The following MAP4K4 variants were observed in gnomAD, a reference collection of about 807,000 sequenced individuals.
MAP4K4 encodes HPK/GCK-like kinase HGK.
A neutral mutation model predicts 189.6 loss-of-function variants in MAP4K4; 38 were observed. The ratio of observed to expected loss-of-function variants is 0.20; its 90% confidence interval spans 0.15 to 0.26. The LOEUF is 0.26. MAP4K4 is among the 10% of genes least tolerant of loss of function. The probability of loss-of-function intolerance (pLI) is 1.00; values close to 1 mark genes in which losing one functional copy is unlikely to be tolerated. For synonymous variants in MAP4K4, 610 were observed against 624.3 expected (o/e 0.98, Z 0.34); for missense variants, 1,054 against 1,726.9 (o/e 0.61, Z 6.91).
chr2:101,776,578 C>A lies in MAP4K4; in HGVS notation c.124-14142C>A, dbSNP rs1277884075. On this transcript the variant is annotated intron_variant, in intron 2 of 32. Transcript: ENST00000324219. The stretch of plus-strand genomic sequence containing the variant: ...AGACAAAAAATGCACCCCCACCCCC[C>A]CACCCCCCCAAAAAAAAACACTATG... Among the ~76,000 whole-genome samples the A allele has an allele frequency of 1.2e-4, 11 of 94,502 alleles. 2 individuals carry two copies. Among genetic ancestry groups the A allele is most frequent in the East Asian group, 1.1e-3 (3 of 2,626 alleles). The allele number at this position is 94,502 out of a possible 152,430, so 62.0% of individuals were successfully genotyped here.
chr2:101,873,980 T>C, intron 25 of MAP4K4, 102 bp from the exon 26 acceptor site: 1 of 1,031,578 alleles, frequency 9.7e-7, no homozygotes, highest in South Asian at 1.6e-5. Flanking sequence ...TGACAAAGTG[T>C]TGGTTATACC....
exon 33 of MAP4K4, chr2:101,894,191 A>G (rs2098600245): frequency 6.5e-6 from 1 of 152,794 alleles, no homozygotes; most frequent in South Asian, 2.1e-4. Context: ...TATTGCAATG[A>G]CACCATTACA....
In MAP4K4 at chr2:101,809,360, T is replaced by TG. The variant is rs200676860; in HGVS notation, c.181-14568_181-14567insG. ...GCACTTTTTATTCTTAGTTTTTTTT[T>TG]TTGTTGTTGTTAGCTTACAAGATCT... is the stretch of plus-strand genomic sequence containing the variant. On this transcript the variant is annotated intron_variant, in intron 3 of 32. Coordinates refer to ENST00000324219, the Ensembl canonical transcript of MAP4K4. Among the ~76,000 whole-genome samples, 977 of 152,208 alleles carry TG rather than the reference T, an allele frequency of 6.4e-3. 10 individuals carry two copies. The highest frequency in any genetic ancestry group is 0.021 in the African/African-American group (878 of 41,486).
chr2:101,866,856 A>T (rs1001552760), intron 19 of MAP4K4, among the ~76,000 whole-genome samples: 1 of 149,842 alleles, frequency 6.7e-6, no homozygotes, highest in Non-Finnish European at 1.5e-5. Flanking sequence ...CTAGGATTTG[A>T]ACCCATTTCT....
At chr2:101,866,612 A>G in intron 19 of MAP4K4, 33 bp downstream of exon 19, 1 of 1,601,336 alleles carries the variant, frequency 6.2e-7, no homozygotes, top group South Asian at 1.1e-5. Flanking sequence ...TTTCCCTGCT[A>G]ATGTTTTGAG....
intron 2 of MAP4K4, among the ~76,000 whole-genome samples, chr2:101,783,260 C>G (rs1018364021): frequency 7.0e-6 from 1 of 142,618 alleles, no homozygotes; most frequent in African/African-American, 2.7e-5. Flanking sequence ...CATTTCAGAA[C>G]ATAAGCTATG....
At chr2:101,718,762 A>G (rs1442561877) in intron 2 of MAP4K4, among the ~76,000 whole-genome samples, 1 of 152,138 alleles carries the variant, frequency 6.6e-6, no homozygotes, top group Non-Finnish European at 1.5e-5. Context: ...GCACTCAGTC[A>G]TCTTGGGAGC....
intron 2 of MAP4K4, among the ~76,000 whole-genome samples, chr2:101,777,733 A>G (rs546532345): frequency 6.6e-6 from 1 of 152,302 alleles, no homozygotes; most frequent in South Asian, 2.1e-4. Context: ...TTTTGCTTAT[A>G]TACCCCTTCA....
At chr2:101,765,889 T>A (rs182737663) in intron 2 of MAP4K4, among the ~76,000 whole-genome samples, 1 of 152,024 alleles carries the variant, frequency 6.6e-6, no homozygotes, top group East Asian at 1.9e-4. Flanking sequence ...GTAGACCCGG[T>A]TGAATTTCTC....
chr2:101,830,383 T>A (rs994791019), intron 6 of MAP4K4, among the ~76,000 whole-genome samples: 12 of 152,192 alleles, frequency 7.9e-5, no homozygotes, highest in African/African-American at 2.9e-4. Flanking sequence ...TTCTTTTATA[T>A]TTCTTGTTTC....
At chr2:101,758,639 C>T (rs973106088) in intron 2 of MAP4K4, among the ~76,000 whole-genome samples, 2 of 152,144 alleles carry the variant, frequency 1.3e-5, no homozygotes, top group African/African-American at 4.8e-5. Context: ...CAGCTGTGTC[C>T]TTTGATAACC....
chr2:101,785,372 TGGA>T (rs1297810202), intron 2 of MAP4K4, among the ~76,000 whole-genome samples: 2 of 152,206 alleles, frequency 1.3e-5, no homozygotes, highest in Non-Finnish European at 2.9e-5. Context: ...GACGGAAGGT[TGGA>T]GGATGAGTGG....
intron 3 of MAP4K4, among the ~76,000 whole-genome samples, chr2:101,804,935 G>A (rs59333985): frequency 0.011 from 1,602 of 151,984 alleles, 30 homozygotes; most frequent in African/African-American, 0.036. Flanking sequence ...TTGGCCGAGC[G>A]TGGTGGCACG....
chr2:101,831,875 C>T lies in MAP4K4; in HGVS notation c.639+24C>T, dbSNP rs962220308. 5.6e-6 allele frequency: 9 copies of T among 1,610,540 alleles called. No homozygotes were observed. The African/African-American group carries it at 1.1e-4, about 19-fold the overall frequency. On this transcript the variant is annotated intron_variant, in intron 7 of 32. Coordinates refer to ENST00000324219, the Ensembl canonical transcript of MAP4K4. ...GAGTAAGAGGCACCTGCTCCGTAGG[C>T]CTTTGCAGGGCCACTGGCATACCCG...
chr2:101,776,097 C>G (rs2083948011), intron 2 of MAP4K4, among the ~76,000 whole-genome samples: 1 of 152,154 alleles, frequency 6.6e-6, no homozygotes, highest in South Asian at 2.1e-4. Flanking sequence ...TGACATTATT[C>G]CCCATCAAGC....
chr2:101,713,631 A>G (rs1172541967), intron 2 of MAP4K4, among the ~76,000 whole-genome samples: 1 of 146,948 alleles, frequency 6.8e-6, no homozygotes, highest in Non-Finnish European at 1.5e-5. Flanking sequence ...GCGATGGCTC[A>G]GGCCTGTAAT....
At chr2:101,732,523 A>G (rs1437963652) in intron 2 of MAP4K4, among the ~76,000 whole-genome samples, 1 of 152,108 alleles carries the variant, frequency 6.6e-6, no homozygotes, top group Non-Finnish European at 1.5e-5. Flanking sequence ...AGGGAAAGAA[A>G]AGCTGCCTCT....
In MAP4K4 at chr2:101,790,710, TG is replaced by T. The variant is rs1287739628; in HGVS notation, c.124-9del. On this transcript the variant is annotated splice_polypyrimidine_tract_variant and intron_variant, in intron 2 of 32. Coordinates refer to ENST00000324219, the Ensembl canonical transcript of MAP4K4. Reference sequence around the variant, plus strand: ...GTGCTGATTTTTGATCTATTTTTTCTGTTTTTCAGGGTCGACATGTTAAAAC... The same window carrying T: ...GTGCTGATTTTTGATCTATTTTTTCTTTTTTCAGGGTCGACATGTTAAAAC... 3.7e-6 allele frequency: 6 copies of T among 1,603,786 alleles called. No individual in the cohort carries two copies. The highest frequency in any genetic ancestry group is 5.1e-6 in the Non-Finnish European group (6 of 1,173,990).
In MAP4K4 at chr2:101,882,463, G is replaced by A. The variant is rs147197032; in HGVS notation, c.3386-88G>A. 9.1e-4 allele frequency: 980 copies of A among 1,072,808 alleles called. 7 individuals carry two copies. The African/African-American group carries it at 0.014, about 16-fold the overall frequency. The allele number at this position is 1,072,808 out of a possible 1,614,324, so 66.5% of individuals were successfully genotyped here. A position where few individuals can be genotyped will look rare whatever the true frequency, so the allele number is the denominator to read the frequency against. Reference sequence around the variant, plus strand: ...CACTAGGTTTAAGTGCTGGCCTTAAGTGATTGATTTCTTTTGGTTACTATT... The same window carrying A: ...CACTAGGTTTAAGTGCTGGCCTTAAATGATTGATTTCTTTTGGTTACTATT... On this transcript the variant is annotated intron_variant, in intron 27 of 32. Coordinates refer to ENST00000324219, the Ensembl canonical transcript of MAP4K4.
Sources: gnomAD v4.1 joint callset for allele counts (sites outside exome capture counted in the v4.1 genomes callset) on GRCh38, gnomAD v4.1.1 for gene constraint, MANE v1.5 for transcripts, NCBI Gene and HGNC (gene_info 2026-07-23, HGNC 2026-07-21) for gene names.